TRPC5: variants seen among roughly 807,000 people sequenced by gnomAD.
TRPC5 encodes short transient receptor potential channel 5.
TRPC5 carries 9 observed loss-of-function variants against 56.5 expected under a neutral mutation model. The ratio of observed to expected loss-of-function variants is 0.16; its 90% confidence interval spans 0.10 to 0.28. The LOEUF is 0.28. TRPC5 is among the 10% of genes least tolerant of loss of function. The pLI is 1.00. For synonymous variants in TRPC5, 282 were observed against 278.5 expected (o/e 1.01, Z -0.13); for missense variants, 469 against 748.9 (o/e 0.63, Z 4.36).
intron 1 of TRPC5, among the ~76,000 whole-genome samples, chrX:112,057,538 T>C (rs1930369779): frequency 8.9e-6 from 1 of 112,132 alleles, no homozygotes; most frequent in Non-Finnish European, 1.9e-5. Flanking sequence ...AGTCATCTTA[T>C]TTTCAAAACA....
At chrX:111,976,268 G>A (rs1413858194) in intron 1 of TRPC5, among the ~76,000 whole-genome samples, 2 of 109,829 alleles carry the variant, frequency 1.8e-5, no homozygotes, top group Admixed American at 2.0e-4. Context: ...GTAAAAAATA[G>A]AAAAATTACC....
At chrX:111,789,274 A>C (rs978355376) in intron 7 of TRPC5, among the ~76,000 whole-genome samples, 13 of 111,768 alleles carry the variant, frequency 1.2e-4, no homozygotes, top group Non-Finnish European at 5.6e-5. Flanking sequence ...ATCTACAACC[A>C]TCTGATCTTT....
chrX:111,925,334 G>A (rs1247357141), intron 2 of TRPC5, among the ~76,000 whole-genome samples: 1 of 112,389 alleles, frequency 8.9e-6, no homozygotes, highest in Non-Finnish European at 1.9e-5. Flanking sequence ...TCAGGAATTC[G>A]TTATATGCTA....
At chrX:111,910,080 A>C (rs969139972) in intron 3 of TRPC5, among the ~76,000 whole-genome samples, 1 of 112,604 alleles carries the variant, frequency 8.9e-6, no homozygotes, top group Non-Finnish European at 1.9e-5. Flanking sequence ...TCTCAATTTT[A>C]AAGAGAACGG....
chrX:111,876,025 A>C (rs1478149214), intron 3 of TRPC5: 1 of 107,960 alleles, frequency 9.3e-6, no homozygotes, highest in Non-Finnish European at 1.9e-5. Context: ...ATGTCCTATT[A>C]AGCTAGGGAG....
At chrX:112,067,828 C>A (rs747806754) in intron 1 of TRPC5, among the ~76,000 whole-genome samples, 2 of 112,355 alleles carry the variant, frequency 1.8e-5, no homozygotes, top group Non-Finnish European at 3.8e-5. Context: ...AGGTGCATCT[C>A]TCCTGGCCAT....
At chrX:111,787,436 T>C (rs2148552898) in intron 7 of TRPC5, among the ~76,000 whole-genome samples, 1 of 111,311 alleles carries the variant, frequency 9.0e-6, no homozygotes, top group East Asian at 2.8e-4. Flanking sequence ...TAGCGCTAAA[T>C]GCCCACAAGA....
chrX:111,910,879 C>A (rs753935430), intron 3 of TRPC5, among the ~76,000 whole-genome samples: 1 of 112,627 alleles, frequency 8.9e-6, no homozygotes, highest in African/African-American at 3.2e-5. Context: ...TTTCGCTGTG[C>A]GTAAGTATAT....
At chrX:111,938,661 A>G (rs949077249) in intron 2 of TRPC5, among the ~76,000 whole-genome samples, 3 of 111,249 alleles carry the variant, frequency 2.7e-5, no homozygotes, top group East Asian at 5.6e-4. Flanking sequence ...ATTGATTTGC[A>G]TGTATTGAAC....
At chrX:111,790,343 G>A (rs748394986) in intron 7 of TRPC5, among the ~76,000 whole-genome samples, 1 of 111,187 alleles carries the variant, frequency 9.0e-6, no homozygotes, top group Non-Finnish European at 1.9e-5. Flanking sequence ...CTCACTCATA[G>A]GTGGGAATTG....
intron 8 of TRPC5, among the ~76,000 whole-genome samples, 165 bp from the exon 9 acceptor site, chrX:111,781,371 T>C (rs1314892678): frequency 8.9e-6 from 1 of 112,061 alleles, no homozygotes; most frequent in African/African-American, 3.2e-5. Context: ...GATTTTATGA[T>C]GTTTAAAACA....
intron 3 of TRPC5, chrX:111,902,985 A>T (rs1234829815): frequency 8.9e-6 from 1 of 111,978 alleles, no homozygotes; most frequent in African/African-American, 3.2e-5. Context: ...GGAAAGACAA[A>T]CACTCACCAT....
intron 1 of TRPC5, among the ~76,000 whole-genome samples, chrX:111,953,072 G>A (rs1006802459): frequency 2.7e-5 from 3 of 111,784 alleles, no homozygotes; most frequent in African/African-American, 9.8e-5. Flanking sequence ...ATCCTGGATT[G>A]AAATCCTATT....
chrX:111,873,739 G>A (rs889676138), intron 3 of TRPC5, among the ~76,000 whole-genome samples: 10 of 110,477 alleles, frequency 9.1e-5, no homozygotes, highest in South Asian at 3.9e-4. Flanking sequence ...AGCCGAGATC[G>A]CACCATTGCG....
rs190802422 is a variant in TRPC5 at position 111,882,819 on chromosome X, C to T, written c.901-28713G>A. Among the ~76,000 whole-genome samples the T allele has an allele frequency of 6.2e-5, 7 of 112,440 alleles. No homozygotes were observed. In the Admixed American group the frequency reaches 6.5e-4, roughly 11 times the overall value. ...AGTCAGAGCCGGCTGGGCGCTGTGG[C>T]TCATGCCTGTAATCCCAGCACTTTG... On this transcript the variant is annotated intron_variant, in intron 3 of 10. Coordinates refer to ENST00000262839, the MANE Select transcript of TRPC5 (RefSeq NM_012471.3).
intron 3 of TRPC5, among the ~76,000 whole-genome samples, chrX:111,857,289 G>C (rs1295447036): frequency 9.0e-6 from 1 of 111,611 alleles, no homozygotes; most frequent in African/African-American, 3.3e-5. Context: ...TAAGGAAATG[G>C]CAGTGGAAAT....
At chrX:111,998,056 T>C (rs1226044156) in intron 1 of TRPC5, among the ~76,000 whole-genome samples, 1 of 110,973 alleles carries the variant, frequency 9.0e-6, no homozygotes, top group Non-Finnish European at 1.9e-5. Flanking sequence ...CTGCAATCCT[T>C]TGGAGGAGAA....
intron 3 of TRPC5, among the ~76,000 whole-genome samples, chrX:111,888,715 A>T (rs1406939199): frequency 9.6e-6 from 1 of 104,612 alleles, no homozygotes; most frequent in African/African-American, 3.5e-5. Context: ...AAAAAAAAAA[A>T]AAAAGAAAGA....
At chrX:111,819,863 A>AGAAT (rs1921978391) in intron 7 of TRPC5, among the ~76,000 whole-genome samples, 1 of 111,925 alleles carries the variant, frequency 8.9e-6, no homozygotes, top group Non-Finnish European at 1.9e-5. Flanking sequence ...TCTTATGGAA[A>AGAAT]GAATGAATGA....
Sources: gnomAD v4.1 joint callset for allele counts (sites outside exome capture counted in the v4.1 genomes callset) on GRCh38, gnomAD v4.1.1 for gene constraint, MANE v1.5 for transcripts, NCBI Gene and HGNC (gene_info 2026-07-23, HGNC 2026-07-21) for gene names.